The following DAZL variants were observed in gnomAD, a reference collection of about 807,000 sequenced individuals.
DAZL encodes deleted in azoospermia-like.
Under a neutral mutation model 45.0 loss-of-function variants are expected in DAZL, and 4 were observed. That is an observed-to-expected ratio of 0.09 (90% confidence interval 0.04 to 0.20). The LOEUF is 0.20. Among genes scored for constraint, DAZL ranks in the 10% least tolerant of loss-of-function variants. DAZL has a pLI of 1.00. For synonymous variants in DAZL, 122 were observed against 112.4 expected (o/e 1.09, Z -0.54); for missense variants, 326 against 351.3 (o/e 0.93, Z 0.58).
At chr3:16,604,690 G>GT in intron 1 of DAZL, 6 of 1,356,310 alleles carry the variant, frequency 4.4e-6, no homozygotes, top group Non-Finnish European at 5.7e-6. Context: ...GGCCCTCGAA[G>GT]TTTAAGAAGG....
intron 8 of DAZL, 98 bp downstream of exon 8, chr3:16,594,435 T>G (rs1341264721): frequency 1.3e-5 from 11 of 866,918 alleles, no homozygotes; most frequent in Admixed American, 6.1e-5. Context: ...TTTAAAAATA[T>G]AGGCATATAT....
chr3:16,598,079 T>C lies in DAZL; in HGVS notation c.242+8A>G. On this transcript the variant is annotated splice_region_variant and intron_variant, in intron 3 of 10. Transcript: ENST00000399444. ...TAGAGTTCAGATATTTTTGATAAAA[T>C]TACTCACCCTTTGGACACACCAGTT... The C allele has an allele frequency of 6.4e-7, 1 of 1,562,846 alleles. No individual in the cohort carries two copies. The highest frequency in any genetic ancestry group is 8.8e-7 in the Non-Finnish European group (1 of 1,138,866).
Position 16,597,174 on chromosome 3 carries a change from C to A in DAZL, c.295-123G>T, listed in dbSNP as rs892372290. ...TAGAAGATCAGTGATAACTACACAC[C>A]AAATTAAAATTTGTCATCATGAAGC... is the stretch of plus-strand genomic sequence containing the variant. On this transcript the variant is annotated intron_variant, in intron 4 of 10. Coordinates refer to ENST00000399444, the MANE Select transcript of DAZL (RefSeq NM_001351.4). 6 of 1,204,254 alleles carry A rather than the reference C, an allele frequency of 5.0e-6. No homozygotes were observed. The African/African-American group carries it at 7.7e-5, about 16-fold the overall frequency. 74.6% of individuals were successfully genotyped at this position (1,204,254 alleles called of 1,614,324 possible).
intron 7 of DAZL, among the ~76,000 whole-genome samples, chr3:16,595,029 C>T (rs1466582216): frequency 6.7e-6 from 1 of 148,430 alleles, no homozygotes; most frequent in Non-Finnish European, 1.5e-5. Flanking sequence ...GCTGTTTCGG[C>T]TATTTGACAG....
chr3:16,592,081 T>A lies in DAZL; in HGVS notation c.803A>T (p.Asn268Ile), dbSNP rs536853226. The A allele has an allele frequency of 6.2e-7, 1 of 1,613,808 alleles. No individual in the cohort carries two copies. The highest frequency in any genetic ancestry group is 8.5e-7 in the Non-Finnish European group (1 of 1,179,792). The change falls in exon 10 of 11, where the codon AAC becomes ATC. Residue 268 changes from asparagine (N) to isoleucine (I), a missense_variant. Physicochemically the swap from Asn to Ile is moderately radical, Grantham distance 149. Coordinates refer to ENST00000399444, the MANE Select transcript of DAZL (RefSeq NM_001351.4). The stretch of plus-strand genomic sequence containing the variant: ...GTAGTCATCTTGAGTAACAACAGAG[T>A]TTCTCAGTCTGTTCTCTGGATTAAA... ...CLFNPENRLR[N>I]SVVTQDDYFK...
intron 1 of DAZL, among the ~76,000 whole-genome samples, chr3:16,603,225 G>A (rs1194023492): frequency 6.6e-6 from 1 of 152,166 alleles, no homozygotes; most frequent in Non-Finnish European, 1.5e-5. Context: ...CTAATGAGGG[G>A]TGTAACTTAA....
chr3:16,594,314 T>C (rs765811709), intron 8 of DAZL, among the ~76,000 whole-genome samples: 3 of 152,118 alleles, frequency 2.0e-5, no homozygotes, highest in Admixed American at 6.6e-5. Context: ...GGACCAGCCA[T>C]TGCTTAAGCA....
intron 1 of DAZL, among the ~76,000 whole-genome samples, chr3:16,599,722 T>C (rs373569641): frequency 8.5e-4 from 130 of 152,228 alleles, no homozygotes; most frequent in African/African-American, 2.9e-3. Flanking sequence ...CGCAGTAGAC[T>C]CTAAGGCTAA....
intron 1 of DAZL, among the ~76,000 whole-genome samples, chr3:16,599,385 T>G (rs1192786228): frequency 1.3e-5 from 2 of 152,136 alleles, no homozygotes; most frequent in African/African-American, 2.4e-5. Flanking sequence ...CTGCTTCGCC[T>G]TTTTCACCAA....
In DAZL at chr3:16,587,524, T is replaced by TG. The variant is rs55679752; in HGVS notation, c.*1135dup. 112,056 of 152,462 alleles carry TG rather than the reference T, an allele frequency of 0.73. 41,548 individuals are homozygous for TG. The highest frequency in any genetic ancestry group is 0.83 in the African/African-American group (34,530 of 41,480). 9.4% of individuals were successfully genotyped at this position (152,462 alleles called of 1,614,324 possible). A position where few individuals can be genotyped will look rare whatever the true frequency, so the allele number is the denominator to read the frequency against. On this transcript the variant is annotated 3_prime_UTR_variant, in exon 11 of 11. Coordinates refer to ENST00000399444, the MANE Select transcript of DAZL (RefSeq NM_001351.4). ...GACAAAGGCTGGAAACGAAAGACTG[T>TG]GGTATAGCAAAAGGGCTCTGATGCT...
intron 1 of DAZL, among the ~76,000 whole-genome samples, 175 bp from the exon 2 acceptor site, chr3:16,598,773 G>A (rs1305831823): frequency 1.3e-5 from 2 of 149,596 alleles, no homozygotes; most frequent in East Asian, 2.0e-4. Flanking sequence ...AAATTTTAAT[G>A]AAAGGATATA....
chr3:16,604,118 ATTT>A (rs1392526597), intron 1 of DAZL, among the ~76,000 whole-genome samples: 2 of 152,174 alleles, frequency 1.3e-5, no homozygotes, highest in African/African-American at 2.4e-5. Context: ...ATAGGTGTTT[ATTT>A]TTATTTTAAT....
chr3:16,587,006 G>A lies in DAZL; in HGVS notation c.*1654C>T, dbSNP rs1308067746. The A allele has an allele frequency of 6.6e-6, 1 of 151,974 alleles. No individual in the cohort carries two copies. The highest frequency in any genetic ancestry group is 1.5e-5 in the Non-Finnish European group (1 of 67,984). The allele number at this position is 151,974 out of a possible 1,614,324, so 9.4% of individuals were successfully genotyped here. On this transcript the variant is annotated 3_prime_UTR_variant, in exon 11 of 11. Coordinates refer to ENST00000399444, the MANE Select transcript of DAZL (RefSeq NM_001351.4). The stretch of plus-strand genomic sequence containing the variant: ...GGTCATATTGGAATAATTAGAAGTA[G>A]CTCTTTAGAATATAGATATCATTTA...
intron 6 of DAZL, among the ~76,000 whole-genome samples, chr3:16,596,493 G>A (rs1694601777): frequency 6.8e-6 from 1 of 147,454 alleles, no homozygotes; most frequent in African/African-American, 2.5e-5. Flanking sequence ...GTTATATGGG[G>A]GGAAAAAGGA....
chr3:16,604,822 G>A, intron 1 of DAZL: 1 of 1,070,816 alleles, frequency 9.3e-7, no homozygotes, highest in Non-Finnish European at 1.3e-6. Flanking sequence ...GAGTGGGGGA[G>A]CGCGTGGGAG....
chr3:16,593,610 G>C (rs1575416661), intron 9 of DAZL, 45 bp downstream of exon 9: 3 of 1,236,826 alleles, frequency 2.4e-6, no homozygotes, highest in African/African-American at 1.5e-5. Context: ...ATTAAAACTA[G>C]AAAAAATAAA....
chr3:16,592,228 T>C, intron 9 of DAZL, 80 bp from the exon 10 acceptor site: 2 of 1,553,168 alleles, frequency 1.3e-6, no homozygotes, highest in Non-Finnish European at 1.8e-6. Context: ...GATAGTTTAA[T>C]GAATATATTA....
chr3:16,605,170 A>G, intron 1 of DAZL, 33 bp downstream of exon 1: 1 of 1,614,076 alleles, frequency 6.2e-7, no homozygotes, highest in Non-Finnish European at 8.5e-7. Context: ...AGACTCCGCC[A>G]GCCTTGCCCC....
chr3:16,589,342 A>C (rs1216062931), intron 10 of DAZL, among the ~76,000 whole-genome samples: 1 of 152,238 alleles, frequency 6.6e-6, no homozygotes, highest in Non-Finnish European at 1.5e-5. Context: ...GAGTAATAAC[A>C]TAATAGCATT....
Sources: gnomAD v4.1 joint callset for allele counts (sites outside exome capture counted in the v4.1 genomes callset) on GRCh38, gnomAD v4.1.1 for gene constraint, MANE v1.5 for transcripts, NCBI Gene and HGNC (gene_info 2026-07-23, HGNC 2026-07-21) for gene names.